Variants in SAXO1 observed in about 807,000 individuals in gnomAD.
SAXO1 encodes 4930500O09Rik.
In SAXO1, 21 loss-of-function variants were observed where a neutral mutation model predicts 17.5. That is an observed-to-expected ratio of 1.20 (90% CI 0.85 to 1.72). The LOEUF (loss-of-function observed/expected upper bound fraction) is 1.72, where lower values mean the gene tolerates loss of function less well. Among genes scored for constraint, SAXO1 ranks in the 40% most tolerant of loss-of-function variants. The pLI is 0.00. For synonymous variants in SAXO1, 274 were observed against 216.5 expected (o/e 1.27, Z -2.33); for missense variants, 843 against 596.0 (o/e 1.41, Z -4.32).
At chr9:18,961,409 T>C (rs1337421285) in intron 1 of SAXO1, among the ~76,000 whole-genome samples, 1 of 152,216 alleles carries the variant, frequency 6.6e-6, no homozygotes. Flanking sequence ...TACATAGGTA[T>C]ACATGTGCCA....
intron 1 of SAXO1, among the ~76,000 whole-genome samples, chr9:19,045,278 C>T (rs1836182258): frequency 7.5e-6 from 1 of 132,916 alleles, no homozygotes. Flanking sequence ...CCACTGCAGT[C>T]CGCAGTCCGG....
chr9:19,013,316 A>T (rs963757502), intron 1 of SAXO1, among the ~76,000 whole-genome samples: 7 of 152,166 alleles, frequency 4.6e-5, no homozygotes, highest in African/African-American at 1.2e-4. Flanking sequence ...AGGCTATAAT[A>T]GCAGATTTTG....
intron 1 of SAXO1, among the ~76,000 whole-genome samples, chr9:19,045,316 CAAAAAAAAAA>C (rs575855900): frequency 1.0e-3 from 93 of 89,338 alleles, no homozygotes; most frequent in Middle Eastern, 0.014. Flanking sequence ...GACTCCGTCT[CAAAAAAAAAA>C]AAAAAAAAAA....
chr9:19,046,515 G>A (rs1000391192), intron 1 of SAXO1, among the ~76,000 whole-genome samples: 5 of 151,872 alleles, frequency 3.3e-5, no homozygotes, highest in Non-Finnish European at 7.4e-5. Flanking sequence ...GACCAACATG[G>A]AGAAAGGAGA....
chr9:19,028,017 G>A (rs997979132), intron 1 of SAXO1: 41 of 1,604,588 alleles, frequency 2.6e-5, no homozygotes, highest in African/African-American at 5.3e-5. Flanking sequence ...CTGTGTCTGT[G>A]GAGGCGGGTA....
In SAXO1 at chr9:18,941,521, T is replaced by C. The variant is rs527239738; in HGVS notation, c.421+116A>G. On this transcript the variant is annotated intron_variant, in intron 3 of 3. Transcript: ENST00000380534. ...CAGGCTGCTGGCCAGATCTGGCCCG[T>C]AGGAAGTAGTCTGCCAACTCTTGCA... 2.5e-6 allele frequency: 3 copies of C among 1,179,494 alleles called. No individual in the cohort carries two copies. In the African/African-American group the frequency reaches 4.5e-5, roughly 18 times the overall value. The allele number at this position is 1,179,494 out of a possible 1,614,324, so 73.1% of individuals were successfully genotyped here.
rs550131871 is a variant in SAXO1, at chr9:18,974,860, A to C, written c.39-23923T>G. On this transcript the variant is annotated intron_variant, in intron 1 of 3. Transcript: ENST00000380534. ...GGTGGATTCATTCAACCATGGATGGATGCTAAGGCTGATAGGCAAAGTTTT... is the reference window on the plus strand; with the variant it reads ...GGTGGATTCATTCAACCATGGATGGCTGCTAAGGCTGATAGGCAAAGTTTT... Among the ~76,000 whole-genome samples the C allele has an allele frequency of 9.8e-5, 15 of 152,362 alleles. 1 individual carries two copies. Among genetic ancestry groups the C allele is most frequent in the African/African-American group, 3.6e-4 (15 of 41,582 alleles).
rs572244178 is a variant in SAXO1, at chr9:19,031,134, T to A, written c.38+1737A>T. Among the ~76,000 whole-genome samples the A allele has an allele frequency of 3.9e-5, 6 of 152,358 alleles. No homozygotes were observed. The South Asian group carries it at 1.2e-3, about 32-fold the overall frequency. The stretch of plus-strand genomic sequence containing the variant: ...CAGGAGGGAGACTTCTCACTATATA[T>A]GCTCTGCACCTCTTAATGAGCATTC... On this transcript the variant is annotated intron_variant, in intron 1 of 3. Coordinates refer to ENST00000380534, the MANE Select transcript of SAXO1 (RefSeq NM_153707.4).
chr9:18,960,966 G>C (rs1588443681), intron 1 of SAXO1, among the ~76,000 whole-genome samples: 1 of 152,074 alleles, frequency 6.6e-6, no homozygotes, highest in African/African-American at 2.4e-5. Context: ...TGCTGGCAGT[G>C]TTCTTCATCT....
chr9:19,037,227 C>T (rs1263571347), upstream of SAXO1, among the ~76,000 whole-genome samples: 1 of 152,164 alleles, frequency 6.6e-6, no homozygotes, highest in Non-Finnish European at 1.5e-5. Context: ...CTTGCCTTGT[C>T]TCAGATGAAA....
intron 1 of SAXO1, among the ~76,000 whole-genome samples, chr9:18,993,029 G>T (rs917394874): frequency 1.3e-5 from 2 of 152,022 alleles, no homozygotes; most frequent in Admixed American, 1.3e-4. Flanking sequence ...TGAACTCCCA[G>T]CCTCAGGTGA....
In SAXO1 at chr9:19,044,913, G is replaced by A. The variant is rs139890007; in HGVS notation, c.-158+4296C>T. Among the ~76,000 whole-genome samples, 182 of 152,100 alleles carry A rather than the reference G, an allele frequency of 1.2e-3. 6 individuals carry two copies. The East Asian group carries it at 0.033, about 27-fold the overall frequency. ...AGCCAGTAGTAGGGAAAGCCAAGGA[G>A]CAACATTTTTACCACAGAACCTCCA... On this transcript the variant is annotated intron_variant, in intron 1 of 3. Transcript: ENST00000542071.
chr9:18,997,119 A>G (rs6475306), intron 1 of SAXO1, among the ~76,000 whole-genome samples: 88,929 of 152,104 alleles, frequency 0.58, 26,124 homozygotes, highest in Non-Finnish European at 0.63. Context: ...CCCACAGAGG[A>G]TGAGCCAAAG....
intron 1 of SAXO1, among the ~76,000 whole-genome samples, chr9:19,030,372 T>C (rs1387934533): frequency 4.0e-5 from 6 of 151,816 alleles, no homozygotes; most frequent in Admixed American, 3.9e-4. Flanking sequence ...AAGGGACCAA[T>C]TAAAGAAAGA....
intron 1 of SAXO1, among the ~76,000 whole-genome samples, chr9:19,045,447 C>G (rs370190522): frequency 1.5e-5 from 2 of 131,638 alleles, no homozygotes; most frequent in Non-Finnish European, 3.2e-5. Flanking sequence ...TGCAAAGATG[C>G]AAAGAGTAAA....
At chr9:19,026,855 C>T (rs750177374) in intron 1 of SAXO1, 2 of 641,636 alleles carry the variant, frequency 3.1e-6, no homozygotes, top group Non-Finnish European at 6.0e-6. Context: ...ATGGTGAAAC[C>T]CCATCTCTAC....
intron 1 of SAXO1, among the ~76,000 whole-genome samples, chr9:18,973,641 C>G (rs1357712627): frequency 6.6e-6 from 1 of 152,138 alleles, no homozygotes; most frequent in African/African-American, 2.4e-5. Context: ...GATTCCAGAC[C>G]AGAGTTTCTT....
At chr9:18,972,566 C>G (rs1469539729) in intron 1 of SAXO1, among the ~76,000 whole-genome samples, 1 of 152,140 alleles carries the variant, frequency 6.6e-6, no homozygotes, top group Non-Finnish European at 1.5e-5. Context: ...TACAAAAAAA[C>G]TCAAAACCTG....
At chr9:19,013,143 G>C (rs992046710) in intron 1 of SAXO1, among the ~76,000 whole-genome samples, 17 of 151,836 alleles carry the variant, frequency 1.1e-4, no homozygotes, top group Non-Finnish European at 2.2e-4. Flanking sequence ...AAAAAAAAAA[G>C]GAATTTGTGA....
Sources: gnomAD v4.1 joint callset for allele counts (sites outside exome capture counted in the v4.1 genomes callset) on GRCh38, gnomAD v4.1.1 for gene constraint, MANE v1.5 for transcripts, NCBI Gene and HGNC (gene_info 2026-07-23, HGNC 2026-07-21) for gene names.